Variants in NOVA1 observed in about 807,000 individuals in gnomAD.
NOVA1 encodes NOVA alternative splicing regulator 1, also known as RNA-binding protein Nova-1.
Under a neutral mutation model 38.0 loss-of-function variants are expected in NOVA1, and 7 were observed. That is an observed-to-expected ratio of 0.18 (90% confidence interval 0.10 to 0.35). The LOEUF (loss-of-function observed/expected upper bound fraction) is 0.35, where lower values mean the gene tolerates loss of function less well. NOVA1 is among the 10% of genes least tolerant of loss of function. The pLI, the probability that NOVA1 is intolerant of heterozygous loss-of-function variation, is 1.00. For synonymous variants in NOVA1, 270 were observed against 232.5 expected, an observed-to-expected ratio of 1.16 and a Z score of -1.47; for missense variants, 460 against 616.0, an observed-to-expected ratio of 0.75 and a Z score of 2.68.
chr14:26,579,374 A>G (rs1322410840), intron 2 of NOVA1, among the ~76,000 whole-genome samples: 1 of 152,116 alleles, frequency 6.6e-6, no homozygotes, highest in Non-Finnish European at 1.5e-5. Context: ...TTATATATTC[A>G]AAGGTGTACC....
At chr14:26,453,080 C>T (rs182517045) in intron 4 of NOVA1, among the ~76,000 whole-genome samples, 130 of 152,190 alleles carry the variant, frequency 8.5e-4, no homozygotes, top group African/African-American at 3.0e-3. Flanking sequence ...CAAGTATTTC[C>T]ATAAATTTGG....
intron 2 of NOVA1, among the ~76,000 whole-genome samples, chr14:26,574,274 C>CCCA (rs1555330468): frequency 1.0e-5 from 1 of 96,310 alleles, no homozygotes; most frequent in South Asian, 4.8e-4. Flanking sequence ...TCCACCCCCC[C>CCCA]CCCCCCGCCC....
At chr14:26,558,714 G>C (rs943703326) in intron 2 of NOVA1, among the ~76,000 whole-genome samples, 1 of 152,044 alleles carries the variant, frequency 6.6e-6, no homozygotes, top group South Asian at 2.1e-4. Context: ...TTTTAAAAAT[G>C]GTTTAGACAG....
intron 1 of NOVA1, chr14:26,596,904 C>G: frequency 1.7e-6 from 2 of 1,180,294 alleles, no homozygotes; most frequent in Non-Finnish European, 2.1e-6. Flanking sequence ...TTTATTTTAT[C>G]AGACTGTTAA....
chr14:26,477,759 C>T (rs1885102840), intron 3 of NOVA1, among the ~76,000 whole-genome samples: 1 of 151,810 alleles, frequency 6.6e-6, no homozygotes, highest in African/African-American at 2.4e-5. Flanking sequence ...AAGAGTACTA[C>T]GTTGGTAAAA....
intron 2 of NOVA1, among the ~76,000 whole-genome samples, chr14:26,561,008 A>T (rs1191557748): frequency 6.6e-6 from 1 of 152,194 alleles, no homozygotes; most frequent in African/African-American, 2.4e-5. Context: ...TTTTGGGATG[A>T]AACTGTTCTA....
chr14:26,475,945 A>C (rs1884951244), intron 3 of NOVA1, among the ~76,000 whole-genome samples: 1 of 152,152 alleles, frequency 6.6e-6, no homozygotes, highest in Admixed American at 6.5e-5. Flanking sequence ...AACCTCTGGT[A>C]TTTATAGGCA....
intron 2 of NOVA1, among the ~76,000 whole-genome samples, chr14:26,520,787 T>C (rs1006006333): frequency 2.0e-5 from 3 of 152,150 alleles, no homozygotes; most frequent in Admixed American, 1.3e-4. Context: ...GAGACTTACA[T>C]GGCCAGAGTT....
At chr14:26,490,452 C>A (rs1437364490) in intron 2 of NOVA1, among the ~76,000 whole-genome samples, 2 of 151,834 alleles carry the variant, frequency 1.3e-5, no homozygotes, top group African/African-American at 2.4e-5. Context: ...CATTTTACAT[C>A]CCCAACAACA....
chr14:26,575,667 T>C (rs1385072646), intron 2 of NOVA1, among the ~76,000 whole-genome samples: 1 of 152,078 alleles, frequency 6.6e-6, no homozygotes, highest in Non-Finnish European at 1.5e-5. Flanking sequence ...AGCCTACAGA[T>C]TTATTTTGTC....
At chr14:26,523,303 T>A (rs1420398388) in intron 2 of NOVA1, among the ~76,000 whole-genome samples, 4 of 152,242 alleles carry the variant, frequency 2.6e-5, no homozygotes, top group African/African-American at 9.6e-5. Context: ...TCTGGTAATG[T>A]CAACATTTAT....
In NOVA1 at chr14:26,546,742, G is replaced by A. The variant is rs549343115; in HGVS notation, c.280+48668C>T. 2.4e-4 allele frequency among the ~76,000 whole-genome samples: 36 copies of A among 152,140 alleles called. No homozygotes were observed. In the South Asian group the frequency reaches 5.4e-3, roughly 23 times the overall value. On this transcript the variant is annotated intron_variant, in intron 2 of 4. Transcript: ENST00000539517. ...ACTGAAAAATTCATATAACTTGGCC[G>A]GGTGCAGTGGCTCACACCTGTAATC...
chr14:26,513,733 A>T (rs1888264770), intron 2 of NOVA1, among the ~76,000 whole-genome samples: 1 of 151,816 alleles, frequency 6.6e-6, no homozygotes, highest in Admixed American at 6.6e-5. Context: ...TACTAAAACA[A>T]ATGAAAAGTA....
chr14:26,470,536 C>CA (rs1421191953), intron 4 of NOVA1: 19 of 1,270,950 alleles, frequency 1.5e-5, no homozygotes, highest in Non-Finnish European at 2.1e-5. Context: ...AACAATATAA[C>CA]AGAGTATAGT....
At chr14:26,471,259 A>G (rs1884565046) in intron 4 of NOVA1, among the ~76,000 whole-genome samples, 1 of 152,038 alleles carries the variant, frequency 6.6e-6, no homozygotes, top group Non-Finnish European at 1.5e-5. Context: ...TTCAGGTTGC[A>G]AAAGTATTAG....
At chr14:26,537,531 T>A (rs1890187670) in intron 2 of NOVA1, among the ~76,000 whole-genome samples, 1 of 152,028 alleles carries the variant, frequency 6.6e-6, no homozygotes, top group Admixed American at 6.6e-5. Context: ...TAAGCAAAAA[T>A]GAGAGACAAT....
intron 2 of NOVA1, among the ~76,000 whole-genome samples, chr14:26,512,950 A>G (rs1019134394): frequency 2.6e-5 from 4 of 151,980 alleles, no homozygotes; most frequent in African/African-American, 9.7e-5. Flanking sequence ...TTAATTTTCA[A>G]GTGTATAAAA....
intron 2 of NOVA1, chr14:26,592,919 G>A (rs1351930888): frequency 6.6e-6 from 1 of 151,534 alleles, no homozygotes; most frequent in African/African-American, 2.4e-5. Context: ...ATTACATTCT[G>A]CTTAAAAACT....
intron 2 of NOVA1, among the ~76,000 whole-genome samples, chr14:26,545,594 C>T (rs1190999677): frequency 6.6e-6 from 1 of 152,082 alleles, no homozygotes; most frequent in African/African-American, 2.4e-5. Context: ...TTTGGTAACA[C>T]TCATTTTCAT....
Sources: allele counts gnomAD v4.1 joint callset (sites outside exome capture counted in the v4.1 genomes callset), GRCh38; gene constraint gnomAD v4.1.1; transcripts MANE v1.5; gene names NCBI Gene and HGNC (gene_info 2026-07-23, HGNC 2026-07-21).